The following ANKRD30A variants were observed in gnomAD, a reference collection of about 807,000 sequenced individuals.
The protein encoded by ANKRD30A is ankyrin repeat domain-containing protein 30A.
A neutral mutation model predicts 166.3 loss-of-function variants in ANKRD30A; 170 were observed. That is an observed-to-expected ratio of 1.02 (90% CI 0.90 to 1.16). ANKRD30A has a LOEUF of 1.16. Among genes scored for constraint, ANKRD30A ranks in the 50% most tolerant of loss-of-function variants. ANKRD30A has a pLI of 0.00. For missense variants in ANKRD30A, 1,630 were observed against 1,518.0 expected (o/e 1.07, Z -1.23); for synonymous variants, 564 against 508.9 (o/e 1.11, Z -1.46).
chr10:37,166,442 T>G (rs1839352145), intron 18 of ANKRD30A, among the ~76,000 whole-genome samples, 163 bp from the exon 19 acceptor site: 1 of 151,980 alleles, frequency 6.6e-6, no homozygotes, highest in African/African-American at 2.4e-5. Flanking sequence ...TGTGAGGTTT[T>G]CTATCAAAAT....
chr10:37,159,093 A>G (rs572071096), intron 15 of ANKRD30A, among the ~76,000 whole-genome samples: 68 of 152,288 alleles, frequency 4.5e-4, no homozygotes, highest in African/African-American at 1.6e-3. Flanking sequence ...TCTTTGCTAG[A>G]CATAGTGTTT....
intron 25 of ANKRD30A, among the ~76,000 whole-genome samples, chr10:37,190,635 A>T (rs969377332): frequency 6.6e-6 from 1 of 151,734 alleles, no homozygotes; most frequent in African/African-American, 2.4e-5. Context: ...ATCCAGCTAG[A>T]TGATTTTGGA....
At chr10:37,168,061 G>A (rs1275969503) in intron 19 of ANKRD30A, among the ~76,000 whole-genome samples, 1 of 32,926 alleles carries the variant, frequency 3.0e-5, no homozygotes, top group African/African-American at 1.3e-4. Context: ...ATACTTATTG[G>A]TATTAACACT....
At chr10:37,133,061 A>G (rs1836473177) in intron 4 of ANKRD30A, among the ~76,000 whole-genome samples, 1 of 152,124 alleles carries the variant, frequency 6.6e-6, no homozygotes, top group Admixed American at 6.6e-5. Flanking sequence ...TGTCTTTAGG[A>G]TGACTGTTTG....
At chr10:37,157,553 A>G (rs1427248301) in intron 13 of ANKRD30A, among the ~76,000 whole-genome samples, 1 of 152,038 alleles carries the variant, frequency 6.6e-6, no homozygotes, top group Non-Finnish European at 1.5e-5. Context: ...TTTAGTGGAG[A>G]CAGTGTTTCC....
chr10:37,193,364 G>T (rs1003061673), intron 27 of ANKRD30A, 106 bp downstream of exon 27: 3 of 1,314,424 alleles, frequency 2.3e-6, no homozygotes, highest in African/African-American at 3.0e-5. Context: ...ATAATTTGAT[G>T]GGAAATTTCG....
Position 37,219,367 on chromosome 10 carries a change from C to T in ANKRD30A, c.3655C>T (p.Gln1219Ter). The T allele has an allele frequency of 1.9e-6, 3 of 1,610,434 alleles. No individual in the cohort carries two copies. The highest frequency in any genetic ancestry group is 2.5e-6 in the Non-Finnish European group (3 of 1,177,684). The change falls in exon 34 of 36, where the codon CAA becomes TAA. Residue 1219 changes from glutamine (Q) to a stop codon, truncating the protein, a stop_gained. Coordinates refer to ENST00000361713, the MANE Select transcript of ANKRD30A (RefSeq NM_052997.3). LOFTEE classifies it high-confidence loss of function. ...HDQIVTSRKS[Q>*]EPAFHIAGDA... The stretch of plus-strand genomic sequence containing the variant: ...TCAAATTGTGACATCAAGAAAAAGT[C>T]AAGAACCTGCTTTCCACATTGCAGG...
At chr10:37,221,918 T>C (rs1348798938) in intron 34 of ANKRD30A, among the ~76,000 whole-genome samples, 1 of 151,366 alleles carries the variant, frequency 6.6e-6, no homozygotes, top group African/African-American at 2.4e-5. Context: ...TGGAGATGTT[T>C]AGGTTAATAT....
intron 17 of ANKRD30A, among the ~76,000 whole-genome samples, 187 bp downstream of exon 17, chr10:37,163,035 A>T (rs193125276): frequency 0.066 from 9,980 of 151,928 alleles, 430 homozygotes; most frequent in Middle Eastern, 0.11. Flanking sequence ...TATATTTTTT[A>T]AAAAAATGTA....
chr10:37,251,382 C>A, the ANKRD30A span, among the ~76,000 whole-genome samples: 2 of 152,106 alleles, frequency 1.3e-5, no homozygotes, highest in Non-Finnish European at 1.5e-5. Flanking sequence ...AGAAACATGG[C>A]ACCAATTCGA....
chr10:37,198,432 A>G (rs1301802431), intron 29 of ANKRD30A, among the ~76,000 whole-genome samples: 1 of 152,110 alleles, frequency 6.6e-6, no homozygotes, highest in Non-Finnish European at 1.5e-5. Flanking sequence ...CTGATAAGTA[A>G]TAAATAAAAA....
Position 37,216,191 on chromosome 10 carries a change from C to G in ANKRD30A, c.2880C>G (p.Ser960Arg). ...TCCTCCTTGAGACAGATTCAACTAG[C>G]CTATCAAAAATCTTGGATACAGTTC... ...KISGKLEDSTSLSKILDTVHS... is the reference protein window; with the variant it reads ...KISGKLEDSTRLSKILDTVHS... The change falls in exon 32 of 36, where the codon AGC (serine) becomes AGG (arginine). Residue 960 changes from serine to arginine, a missense_variant. By Grantham distance (110) the Ser-to-Arg change is moderately radical. Coordinates refer to ENST00000361713, the MANE Select transcript of ANKRD30A (RefSeq NM_052997.3). The G allele has an allele frequency of 6.3e-7, 1 of 1,596,576 alleles. No homozygotes were observed. Among genetic ancestry groups the G allele is most frequent in the Non-Finnish European group, 8.6e-7 (1 of 1,168,680 alleles).
At chr10:37,238,861 CT>C in the ANKRD30A span, among the ~76,000 whole-genome samples, 1 of 152,060 alleles carries the variant, frequency 6.6e-6, no homozygotes, top group South Asian at 2.1e-4. Flanking sequence ...TACAAGACCT[CT>C]CTAGTAATGT....
chr10:37,236,120 A>T (rs905315061), downstream of ANKRD30A, among the ~76,000 whole-genome samples: 6 of 152,096 alleles, frequency 3.9e-5, no homozygotes, highest in African/African-American at 1.4e-4. Context: ...GTTGTGTTGA[A>T]GAATATAAAG....
downstream of ANKRD30A, among the ~76,000 whole-genome samples, chr10:37,235,752 T>C (rs1332572444): frequency 6.6e-6 from 1 of 151,284 alleles, no homozygotes; most frequent in Non-Finnish European, 1.5e-5. Flanking sequence ...TTGATTTCAC[T>C]ATATTTCATT....
chr10:37,130,260 A>G lies in ANKRD30A; in HGVS notation c.392A>G (p.Asp131Gly). The G allele has an allele frequency of 6.2e-7, 1 of 1,604,344 alleles. No individual in the cohort carries two copies. Among genetic ancestry groups the G allele is most frequent in the South Asian group, 1.1e-5 (1 of 90,128 alleles). Reference sequence around the variant, plus strand: ...AATATTCTGATAGATTCTGGTGCCGATATAAATCTCGTAGATGTGTATGGC... The same window carrying G: ...AATATTCTGATAGATTCTGGTGCCGGTATAAATCTCGTAGATGTGTATGGC... ...CANILIDSGADINLVDVYGNT... is the reference protein window; with the variant it reads ...CANILIDSGAGINLVDVYGNT... The change falls in exon 3 of 36, where the codon GAT becomes GGT. Residue 131 changes from aspartate to glycine, a missense_variant. By Grantham distance (94) the Asp-to-Gly change is moderately conservative. Coordinates refer to ENST00000361713, the MANE Select transcript of ANKRD30A (RefSeq NM_052997.3).
chr10:37,156,302 G>C (rs1368464693), intron 13 of ANKRD30A, among the ~76,000 whole-genome samples: 2 of 152,122 alleles, frequency 1.3e-5, no homozygotes, highest in East Asian at 3.9e-4. Flanking sequence ...TGCGGCTCAT[G>C]AATCTTTCGA....
chr10:37,224,101 C>A (rs1257047932), intron 34 of ANKRD30A, among the ~76,000 whole-genome samples: 1 of 151,116 alleles, frequency 6.6e-6, no homozygotes, highest in Non-Finnish European at 1.5e-5. Flanking sequence ...TTTTTGAATA[C>A]CTAAATATCA....
chr10:37,234,492 T>C (rs887492915), downstream of ANKRD30A, among the ~76,000 whole-genome samples: 2 of 152,136 alleles, frequency 1.3e-5, no homozygotes, highest in African/African-American at 4.8e-5. Flanking sequence ...ATAGTACCTG[T>C]GTGTCTAAGA....
Sources: allele counts gnomAD v4.1 joint callset (sites outside exome capture counted in the v4.1 genomes callset), GRCh38; gene constraint gnomAD v4.1.1; transcripts MANE v1.5; gene names NCBI Gene and HGNC (gene_info 2026-07-23, HGNC 2026-07-21).